The following LURAP1 variants were observed in gnomAD, a reference collection of about 807,000 sequenced individuals.
The protein encoded by LURAP1 is NF-kappa-B activator C1orf190.
A neutral mutation model predicts 19.0 loss-of-function variants in LURAP1; 14 were observed. The ratio of observed to expected loss-of-function variants is 0.74; its 90% CI spans 0.49 to 1.15. The LOEUF (loss-of-function observed/expected upper bound fraction) is 1.15, where lower values mean the gene tolerates loss of function less well. Among genes scored for constraint, LURAP1 ranks in the 50% most tolerant of loss-of-function variants. The pLI, the probability that LURAP1 is intolerant of heterozygous loss-of-function variation, is 0.00. For missense variants in LURAP1, 273 were observed against 309.1 expected (o/e 0.88, Z 0.87); for synonymous variants, 129 against 131.8 (o/e 0.98, Z 0.14).
intron 1 of LURAP1, among the ~76,000 whole-genome samples, chr1:46,210,235 T>C (rs1658851553): frequency 6.6e-6 from 1 of 152,194 alleles, no homozygotes; most frequent in Non-Finnish European, 1.5e-5. Flanking sequence ...TTTTCTATGC[T>C]TTTGCCATAG....
chr1:46,204,979 TG>T (rs1405054702), intron 1 of LURAP1, among the ~76,000 whole-genome samples: 1 of 151,738 alleles, frequency 6.6e-6, no homozygotes, highest in Non-Finnish European at 1.5e-5. Context: ...AGGCACAGGG[TG>T]GGCATGGTGG....
At chr1:46,208,468 G>T (rs554865649) in intron 1 of LURAP1, among the ~76,000 whole-genome samples, 1 of 152,178 alleles carries the variant, frequency 6.6e-6, no homozygotes, top group Non-Finnish European at 1.5e-5. Context: ...TCGAGGAAGG[G>T]CAAGGAAGAC....
chr1:46,212,928 A>T lies in LURAP1; in HGVS notation c.199-6771A>T, dbSNP rs950969120. Among the ~76,000 whole-genome samples, 7 of 150,514 alleles carry T rather than the reference A, an allele frequency of 4.7e-5. No individual in the cohort carries two copies. The East Asian group carries it at 9.9e-4, about 21-fold the overall frequency. On this transcript the variant is annotated intron_variant, in intron 1 of 1. Coordinates refer to ENST00000371980, the MANE Select transcript of LURAP1 (RefSeq NM_001013615.3). ...GTGTCCACCACCACACCTGGCAAAA[A>T]TTTTTTTTGTAATTTTTAGTAGAGA... is the stretch of plus-strand genomic sequence containing the variant.
chr1:46,215,966 T>G (rs1659051946), intron 1 of LURAP1, among the ~76,000 whole-genome samples: 1 of 152,072 alleles, frequency 6.6e-6, no homozygotes, highest in Non-Finnish European at 1.5e-5. Context: ...AACCTGGAAT[T>G]CTATATCCTG....
Position 46,203,443 on chromosome 1 carries a change from A to G in LURAP1, c.17A>G (p.Glu6Gly), listed in dbSNP as rs1658611859. The G allele has an allele frequency of 6.8e-7, 1 of 1,478,376 alleles. No individual in the cohort carries two copies. The highest frequency in any genetic ancestry group is 9.0e-7 in the Non-Finnish European group (1 of 1,114,386). 91.6% of individuals were successfully genotyped at this position (1,478,376 alleles called of 1,614,324 possible). Residue 6 changes from glutamate (E) to glycine (G), a missense_variant, in exon 1 of 2, where the codon GAG (glutamate) becomes GGG (glycine). Coordinates refer to ENST00000371980, the MANE Select transcript of LURAP1 (RefSeq NM_001013615.3). Reference sequence around the variant, plus strand: ...TGGGCCCGCATGGAGGGGACCGTGGAGTCCCAGACGCCTGACCTGCGGGAT... The same window carrying G: ...TGGGCCCGCATGGAGGGGACCGTGGGGTCCCAGACGCCTGACCTGCGGGAT... MEGTV[E>G]SQTPDLRDVE... is the part of the protein sequence containing the mutation.
rs1411667350 is a variant in LURAP1 at position 46,203,681 on chromosome 1, A to G, written c.198+57A>G. On this transcript the variant is annotated intron_variant, in intron 1 of 1. Coordinates refer to ENST00000371980, the MANE Select transcript of LURAP1 (RefSeq NM_001013615.3). ...AGTCCCTAGTGTAGGGCCGGGAGGG[A>G]CGAACTCATGCTCCCAGAGTTAAGC... 5 of 1,520,468 alleles carry G rather than the reference A, an allele frequency of 3.3e-6. No individual in the cohort carries two copies. The African/African-American group carries it at 7.0e-5, about 21-fold the overall frequency. 94.2% of individuals were successfully genotyped at this position (1,520,468 alleles called of 1,614,324 possible). A position where few individuals can be genotyped will look rare whatever the true frequency, so the allele number is the denominator to read the frequency against.
chr1:46,212,416 G>A (rs566424185), intron 1 of LURAP1, among the ~76,000 whole-genome samples: 1 of 151,996 alleles, frequency 6.6e-6, no homozygotes, highest in Admixed American at 6.6e-5. Context: ...CAGCAGCTGG[G>A]ACTACAGGCG....
intron 1 of LURAP1, among the ~76,000 whole-genome samples, chr1:46,206,796 G>A (rs979411600): frequency 3.3e-5 from 5 of 152,188 alleles, no homozygotes; most frequent in African/African-American, 1.2e-4. Flanking sequence ...TCACAGAACT[G>A]AATGTGACCT....
chr1:46,209,958 G>A (rs759860703), intron 1 of LURAP1, among the ~76,000 whole-genome samples: 2 of 152,190 alleles, frequency 1.3e-5, no homozygotes, highest in Admixed American at 6.5e-5. Flanking sequence ...GACTAGGACA[G>A]TTGTCTTCAC....
At chr1:46,212,266 T>C (rs1180786829) in intron 1 of LURAP1, among the ~76,000 whole-genome samples, 1 of 151,848 alleles carries the variant, frequency 6.6e-6, no homozygotes, top group African/African-American at 2.4e-5. Context: ...ATGTATAACA[T>C]AAACAACCAT....
At chr1:46,217,460 TC>T (rs1474519678) in intron 1 of LURAP1, among the ~76,000 whole-genome samples, 1 of 152,238 alleles carries the variant, frequency 6.6e-6, no homozygotes, top group African/African-American at 2.4e-5. Flanking sequence ...GAAGAGCATT[TC>T]CAAATCCTAA....
Position 46,219,700 on chromosome 1 carries a change from C to A in LURAP1, c.200C>A (p.Ala67Asp). ...DKIMALKMEL[A>D]YLRAIDVKIL... is the part of the protein sequence containing the mutation. ...TAATTCCTTCTCCCACTCCCCCAGG[C>A]TTACCTGCGAGCCATCGATGTGAAG... Residue 67 changes from alanine (A) to aspartate (D), a missense_variant and splice_region_variant, in exon 2 of 2, where the codon GCT becomes GAT. Coordinates refer to ENST00000371980, the MANE Select transcript of LURAP1 (RefSeq NM_001013615.3). 1 of 1,581,590 alleles carries A rather than the reference C, an allele frequency of 6.3e-7. No individual in the cohort carries two copies. Among genetic ancestry groups the A allele is most frequent in the Admixed American group, 1.7e-5 (1 of 57,744 alleles).
intron 1 of LURAP1, among the ~76,000 whole-genome samples, chr1:46,212,380 A>T (rs1264730754): frequency 6.6e-6 from 1 of 151,116 alleles, no homozygotes; most frequent in Non-Finnish European, 1.5e-5. Context: ...TCCCGGGTTC[A>T]TGCCATTCTC....
At chr1:46,212,349 C>G (rs1025554726) in intron 1 of LURAP1, among the ~76,000 whole-genome samples, 7 of 151,074 alleles carry the variant, frequency 4.6e-5, no homozygotes, top group Non-Finnish European at 1.0e-4. Context: ...GGCGCGATCT[C>G]AGCTCACTGC....
intron 1 of LURAP1, among the ~76,000 whole-genome samples, chr1:46,218,907 C>A (rs1659146833): frequency 6.6e-6 from 1 of 152,126 alleles, no homozygotes; most frequent in Non-Finnish European, 1.5e-5. Flanking sequence ...TCCCCAGCTC[C>A]TGCCTCCTTT....
chr1:46,218,258 C>T (rs745904899), intron 1 of LURAP1, among the ~76,000 whole-genome samples: 6 of 152,078 alleles, frequency 3.9e-5, no homozygotes, highest in East Asian at 1.9e-4. Context: ...GTGTGGTGCA[C>T]GCCTGTGGTC....
At chr1:46,209,243 C>G (rs147801515) in intron 1 of LURAP1, among the ~76,000 whole-genome samples, 2 of 151,872 alleles carry the variant, frequency 1.3e-5, no homozygotes, top group Non-Finnish European at 2.9e-5. Flanking sequence ...AGGCTGGTCT[C>G]GAACTCCCGA....
At chr1:46,207,890 G>A (rs1354766265) in intron 1 of LURAP1, among the ~76,000 whole-genome samples, 1 of 145,458 alleles carries the variant, frequency 6.9e-6, no homozygotes, top group East Asian at 2.1e-4. Context: ...TTTTTGACAC[G>A]GAGTTTCGTT....
chr1:46,218,747 A>T (rs1659141433), intron 1 of LURAP1, among the ~76,000 whole-genome samples: 1 of 152,086 alleles, frequency 6.6e-6, no homozygotes, highest in African/African-American at 2.4e-5. Context: ...CTTCCAGTAC[A>T]GACAGGTAGA....
Sources: allele counts gnomAD v4.1 joint callset (sites outside exome capture counted in the v4.1 genomes callset), GRCh38; gene constraint gnomAD v4.1.1; transcripts MANE v1.5; gene names NCBI Gene and HGNC (gene_info 2026-07-23, HGNC 2026-07-21).